The following EYA4 variants were observed in gnomAD, a reference collection of about 807,000 sequenced individuals.
EYA4 encodes protein phosphatase EYA4.
EYA4 carries 31 observed loss-of-function variants against 87.9 expected under a neutral mutation model. The ratio of observed to expected loss-of-function variants is 0.35; its 90% CI spans 0.27 to 0.48. The LOEUF is 0.48. Ranked by LOEUF, EYA4 falls within the 20% of genes least tolerant of loss-of-function variation. The pLI is 0.99. For missense variants in EYA4, 678 were observed against 761.4 expected (o/e 0.89, Z 1.29); for synonymous variants, 263 against 270.6 (o/e 0.97, Z 0.28).
intron 2 of EYA4, among the ~76,000 whole-genome samples, chr6:133,381,822 C>G (rs1281600810): frequency 6.6e-6 from 1 of 152,074 alleles, no homozygotes; most frequent in African/African-American, 2.4e-5. Flanking sequence ...TCATCCTTTA[C>G]CTCTGTGGGT....
At chr6:133,350,324 C>T (rs537978656) in intron 2 of EYA4, among the ~76,000 whole-genome samples, 3 of 152,086 alleles carry the variant, frequency 2.0e-5, no homozygotes, top group East Asian at 3.9e-4. Context: ...CAAATTAACT[C>T]GTGAAAAAGA....
In EYA4 at chr6:133,531,686, G is replaced by A; in HGVS notation, c.*2881G>A. The A allele has an allele frequency of 6.4e-6, 1 of 155,166 alleles. No individual in the cohort carries two copies. Among genetic ancestry groups the A allele is most frequent in the Admixed American group, 6.4e-5 (1 of 15,548 alleles). The allele number at this position is 155,166 out of a possible 1,614,324, so 9.6% of individuals were successfully genotyped here. On this transcript the variant is annotated 3_prime_UTR_variant, in exon 20 of 20. Coordinates refer to ENST00000355286, the MANE Select transcript of EYA4 (RefSeq NM_004100.5). ...CAAAATTTTGTAAATCAAATTCAGA[G>A]GCAAAAACATATTTTAGAATCATAC...
At chr6:133,273,107 A>G (rs1273556647) in intron 1 of EYA4, among the ~76,000 whole-genome samples, 2 of 148,096 alleles carry the variant, frequency 1.4e-5, no homozygotes, top group African/African-American at 5.0e-5. Flanking sequence ...GTATATATAT[A>G]TATATATATA....
At chr6:133,261,043 T>A (rs1333940373) in intron 1 of EYA4, among the ~76,000 whole-genome samples, 1 of 152,226 alleles carries the variant, frequency 6.6e-6, no homozygotes, top group African/African-American at 2.4e-5. Context: ...ACATTTGCCT[T>A]ATCAGTTATA....
intron 7 of EYA4, 52 bp downstream of exon 7, chr6:133,461,232 C>T (rs1288857689): frequency 1.1e-5 from 13 of 1,212,918 alleles, no homozygotes; most frequent in African/African-American, 3.0e-5. Flanking sequence ...TATGTCTATA[C>T]ATGTTTTATA....
intron 2 of EYA4, among the ~76,000 whole-genome samples, chr6:133,305,037 A>G (rs1779700383): frequency 6.6e-6 from 1 of 152,202 alleles, no homozygotes; most frequent in Non-Finnish European, 1.5e-5. Flanking sequence ...ATTTGAGATG[A>G]CAATTGAATG....
chr6:133,269,191 A>C (rs1414356061), intron 1 of EYA4, among the ~76,000 whole-genome samples: 1 of 152,174 alleles, frequency 6.6e-6, no homozygotes, highest in Non-Finnish European at 1.5e-5. Context: ...CCCACGAGGC[A>C]GAGGTCGCAG....
In EYA4 at chr6:133,327,312, A is replaced by T. The variant is rs189220470; in HGVS notation, c.33+52499A>T. On this transcript the variant is annotated intron_variant, in intron 2 of 19. Transcript: ENST00000355286. ...GCCGCCACGCCAGTCTAATTTTTTG[A>T]GTAGAGACGGGGTTTCAGCATGTTG... 5.1e-3 allele frequency among the ~76,000 whole-genome samples: 782 copies of T among 151,880 alleles called. 6 individuals are homozygous for T. The highest frequency in any genetic ancestry group is 0.018 in the African/African-American group (754 of 41,418).
intron 10 of EYA4, 149 bp from the exon 11 acceptor site, chr6:133,468,417 C>T (rs1211522908): frequency 1.1e-5 from 8 of 716,990 alleles, no homozygotes; most frequent in Non-Finnish European, 2.0e-5. Context: ...AAAGTAGTCT[C>T]TGCTCATTAG....
chr6:133,381,841 A>G lies in EYA4; in HGVS notation c.34-551A>G, dbSNP rs191775293. On this transcript the variant is annotated intron_variant, in intron 2 of 19. Coordinates refer to ENST00000355286, the MANE Select transcript of EYA4 (RefSeq NM_004100.5). ...CCTTTACCTCTGTGGGTTAAAAACCACAAAGTTGAAATATAGTCTGCAAGA... is the reference window on the plus strand; with the variant it reads ...CCTTTACCTCTGTGGGTTAAAAACCGCAAAGTTGAAATATAGTCTGCAAGA... Among the ~76,000 whole-genome samples the G allele has an allele frequency of 2.1e-3, 315 of 152,324 alleles. 3 individuals are homozygous for G. The highest frequency in any genetic ancestry group is 5.4e-3 in the African/African-American group (225 of 41,582).
chr6:133,271,820 A>C (rs1178231934), intron 1 of EYA4, among the ~76,000 whole-genome samples: 1 of 152,150 alleles, frequency 6.6e-6, no homozygotes, highest in Non-Finnish European at 1.5e-5. Flanking sequence ...TGTCCACAGA[A>C]TGGGTCATCC....
At chr6:133,245,879 TG>T (rs1378543594) in intron 1 of EYA4, among the ~76,000 whole-genome samples, 3 of 152,354 alleles carry the variant, frequency 2.0e-5, no homozygotes, top group Non-Finnish European at 2.9e-5. Flanking sequence ...CTTGTGGAGC[TG>T]TACATTAATA....
chr6:133,449,153 G>C (rs1410606503), intron 5 of EYA4, among the ~76,000 whole-genome samples: 2 of 152,194 alleles, frequency 1.3e-5, no homozygotes, highest in Non-Finnish European at 2.9e-5. Context: ...TAAAGGGCCA[G>C]ATAGTAAGTA....
chr6:133,327,470 C>T (rs1299164836), intron 2 of EYA4, among the ~76,000 whole-genome samples: 1 of 152,016 alleles, frequency 6.6e-6, no homozygotes, highest in Non-Finnish European at 1.5e-5. Context: ...CATCAGTGCT[C>T]AAAGATAGTC....
At chr6:133,318,450 G>T (rs1451680021) in intron 2 of EYA4, among the ~76,000 whole-genome samples, 10 of 152,118 alleles carry the variant, frequency 6.6e-5, no homozygotes, top group Non-Finnish European at 1.5e-4. Context: ...CTTTTTCTTT[G>T]CTTGTCCTAA....
intron 2 of EYA4, among the ~76,000 whole-genome samples, chr6:133,298,467 G>A (rs1779113994): frequency 6.6e-6 from 1 of 152,168 alleles, no homozygotes; most frequent in Non-Finnish European, 1.5e-5. Flanking sequence ...ATGTATATGT[G>A]TGTGTGTTTA....
chr6:133,399,945 A>G (rs1343199779), intron 3 of EYA4, among the ~76,000 whole-genome samples: 1 of 152,228 alleles, frequency 6.6e-6, no homozygotes. Context: ...ACAATTAGGT[A>G]GTTAGACCTG....
At chr6:133,352,977 T>C (rs1048599668) in intron 2 of EYA4, among the ~76,000 whole-genome samples, 5 of 152,184 alleles carry the variant, frequency 3.3e-5, no homozygotes, top group Non-Finnish European at 7.4e-5. Flanking sequence ...CAGGCATGTA[T>C]CTACAAGTTC....
At chr6:133,379,013 C>T (rs995154349) in intron 2 of EYA4, among the ~76,000 whole-genome samples, 2 of 151,070 alleles carry the variant, frequency 1.3e-5, no homozygotes, top group African/African-American at 2.4e-5. Flanking sequence ...TTGGCCCACC[C>T]CCTTGTGTGT....
Sources: gnomAD v4.1 joint callset for allele counts (sites outside exome capture counted in the v4.1 genomes callset) on GRCh38, gnomAD v4.1.1 for gene constraint, MANE v1.5 for transcripts, NCBI Gene and HGNC (gene_info 2026-07-23, HGNC 2026-07-21) for gene names.